Variants in TUSC3 observed in about 807,000 individuals in gnomAD.
The protein encoded by TUSC3 is tumor suppressor candidate 3.
In TUSC3, 45 loss-of-function variants were observed where a neutral mutation model predicts 44.8. That is an observed-to-expected ratio of 1.00 (90% CI 0.79 to 1.29). TUSC3 has a LOEUF of 1.29. TUSC3 is among the 50% of genes most tolerant of loss of function. The pLI is 0.00. For missense variants in TUSC3, 519 were observed against 437.9 expected (o/e 1.19, Z -1.65); for synonymous variants, 212 against 152.9 (o/e 1.39, Z -2.85).
At position 15,565,150 on chromosome 8, in the gene TUSC3, A is replaced by G. The variant is rs536350704; in HGVS notation, c.138+24582A>G. 3.2e-3 allele frequency among the ~76,000 whole-genome samples: 473 copies of G among 149,666 alleles called. 2 individuals are homozygous for G. Among genetic ancestry groups the G allele is most frequent in the African/African-American group, 0.011 (463 of 40,930 alleles). Reference sequence around the variant, plus strand: ...TGTCTGCAGGTTTGTTTCCTGCTGGAAGCGTTGAGGGGAGCCTTTTTTTTT... The same window carrying G: ...TGTCTGCAGGTTTGTTTCCTGCTGGGAGCGTTGAGGGGAGCCTTTTTTTTT... On this transcript the variant is annotated intron_variant, in intron 1 of 10. Coordinates refer to ENST00000503731, the MANE Select transcript of TUSC3 (RefSeq NM_006765.4).
At chr8:15,576,756 A>G (rs376418906) in intron 1 of TUSC3, among the ~76,000 whole-genome samples, 2,433 of 135,268 alleles carry the variant, frequency 0.018, 58 homozygotes, top group African/African-American at 0.056. Context: ...ATTGTGAATA[A>G]TGCCGCAATA....
At chr8:15,659,454 G>T in intron 3 of TUSC3, 53 bp from the exon 4 acceptor site, 6 of 1,588,520 alleles carry the variant, frequency 3.8e-6, no homozygotes, top group Non-Finnish European at 5.1e-6. Context: ...GTAAAATATT[G>T]GATTAATGAT....
intron 7 of TUSC3, among the ~76,000 whole-genome samples, chr8:15,735,971 G>T (rs951801495): frequency 2.0e-5 from 3 of 151,122 alleles, no homozygotes; most frequent in Non-Finnish European, 4.4e-5. Context: ...CTCGTGATCC[G>T]CCCACCTTGG....
downstream of TUSC3, among the ~76,000 whole-genome samples, chr8:15,767,930 C>T (rs537205205): frequency 2.2e-4 from 34 of 152,220 alleles, no homozygotes; most frequent in Admixed American, 6.5e-4. Flanking sequence ...AACAATGCTA[C>T]ATGTAACAGG....
At chr8:15,717,283 G>T (rs554700115) in intron 6 of TUSC3, among the ~76,000 whole-genome samples, 23 of 152,084 alleles carry the variant, frequency 1.5e-4, no homozygotes, top group Non-Finnish European at 2.5e-4. Flanking sequence ...TGGTTTATCA[G>T]TAAGACGAAA....
intron 1 of TUSC3, among the ~76,000 whole-genome samples, chr8:15,478,264 C>A (rs1369253958): frequency 2.6e-5 from 4 of 152,070 alleles, no homozygotes; most frequent in African/African-American, 4.8e-5. Context: ...CCATGCCTGG[C>A]CTTTTTAAAA....
the TUSC3 span, among the ~76,000 whole-genome samples, chr8:15,843,937 G>C: frequency 6.6e-6 from 1 of 151,978 alleles, no homozygotes; most frequent in Non-Finnish European, 1.5e-5. Context: ...ATTTGTGTTT[G>C]GAAACTCAGT....
chr8:15,618,599 C>A (rs1805099304), intron 1 of TUSC3, among the ~76,000 whole-genome samples: 1 of 152,190 alleles, frequency 6.6e-6, no homozygotes. Flanking sequence ...CTCTTCTGGA[C>A]ACCTCGTAAA....
intron 2 of TUSC3, among the ~76,000 whole-genome samples, chr8:15,649,688 C>G (rs1423383265): frequency 4.6e-5 from 7 of 151,722 alleles, no homozygotes; most frequent in Admixed American, 3.9e-4. Context: ...GTTTTTCTAG[C>G]TTCTTATTGC....
At chr8:15,573,774 G>A (rs1321236256) in intron 1 of TUSC3, among the ~76,000 whole-genome samples, 1 of 152,064 alleles carries the variant, frequency 6.6e-6, no homozygotes, top group Non-Finnish European at 1.5e-5. Flanking sequence ...TCTGAAGGCT[G>A]ATTTTTTTTA....
chr8:15,740,587 C>T (rs1377863854), intron 7 of TUSC3, among the ~76,000 whole-genome samples: 1 of 151,468 alleles, frequency 6.6e-6, no homozygotes, highest in Non-Finnish European at 1.5e-5. Flanking sequence ...TCAAAAGATG[C>T]TCAGAACCAA....
the TUSC3 span, among the ~76,000 whole-genome samples, chr8:15,793,701 A>G: frequency 1.3e-5 from 2 of 152,192 alleles, no homozygotes; most frequent in African/African-American, 2.4e-5. Flanking sequence ...AGGATTTTTT[A>G]TTAATGCATA....
chr8:15,648,899 C>T (rs374745396), intron 2 of TUSC3, among the ~76,000 whole-genome samples: 1 of 151,888 alleles, frequency 6.6e-6, no homozygotes, highest in Non-Finnish European at 1.5e-5. Context: ...CCGTGTGAGA[C>T]TTGGGGGATA....
chr8:15,668,164 A>C (rs1218353229), intron 5 of TUSC3, among the ~76,000 whole-genome samples: 1 of 151,802 alleles, frequency 6.6e-6, no homozygotes, highest in African/African-American at 2.4e-5. Context: ...TGTGCCTGGC[A>C]TGTAGAAAGT....
chr8:15,586,317 T>A (rs1803601016), intron 1 of TUSC3, among the ~76,000 whole-genome samples: 1 of 152,062 alleles, frequency 6.6e-6, no homozygotes. Context: ...AAAACACCGT[T>A]GTAGTGGGGT....
intron 2 of TUSC3, among the ~76,000 whole-genome samples, chr8:15,632,249 T>C (rs528197912): frequency 1.3e-5 from 2 of 152,318 alleles, no homozygotes; most frequent in East Asian, 3.9e-4. Flanking sequence ...GTATTTGTTT[T>C]AATGATGGTG....
intron 1 of TUSC3, among the ~76,000 whole-genome samples, chr8:15,435,978 C>G (rs1799940518): frequency 6.6e-6 from 1 of 152,152 alleles, no homozygotes; most frequent in Non-Finnish European, 1.5e-5. Flanking sequence ...GAAGCAGAAT[C>G]TCTGATGCCA....
intron 10 of TUSC3, among the ~76,000 whole-genome samples, chr8:15,760,276 C>T (rs1026600592): frequency 1.3e-5 from 2 of 152,026 alleles, no homozygotes; most frequent in African/African-American, 4.8e-5. Context: ...ATCAGTTTAG[C>T]CTGTACATAT....
At chr8:15,608,697 C>G (rs917407699) in intron 1 of TUSC3, among the ~76,000 whole-genome samples, 2 of 152,206 alleles carry the variant, frequency 1.3e-5, no homozygotes, top group South Asian at 2.1e-4. Context: ...TTTTCCTTTG[C>G]TTTCACTTCA....
Sources: allele counts gnomAD v4.1 joint callset (sites outside exome capture counted in the v4.1 genomes callset), GRCh38; gene constraint gnomAD v4.1.1; transcripts MANE v1.5; gene names NCBI Gene and HGNC (gene_info 2026-07-23, HGNC 2026-07-21).